Variants in IGSF11 observed in about 807,000 individuals in gnomAD.
IGSF11 encodes CXADR like 1.
IGSF11 carries 22 observed loss-of-function variants against 41.0 expected under a neutral mutation model. The observed-to-expected ratio is 0.54, with a 90% CI of 0.38 to 0.77. The LOEUF is 0.77. IGSF11 is among the 30% of genes least tolerant of loss of function. The pLI, the probability that IGSF11 is intolerant of heterozygous loss-of-function variation, is 0.00. For synonymous variants in IGSF11, 219 were observed against 201.3 expected (o/e 1.09, Z -0.74); for missense variants, 444 against 530.8 (o/e 0.84, Z 1.61).
At chr3:119,067,987 A>G (rs1465759830) in intron 1 of IGSF11, among the ~76,000 whole-genome samples, 1 of 152,360 alleles carries the variant, frequency 6.6e-6, no homozygotes, top group East Asian at 1.9e-4. Context: ...GTAGATGTCA[A>G]TATCCCTAGT....
chr3:118,969,684 C>T (rs1457874272), intron 1 of IGSF11, among the ~76,000 whole-genome samples: 2 of 152,182 alleles, frequency 1.3e-5, no homozygotes, highest in African/African-American at 4.8e-5. Context: ...TTTTAAAACT[C>T]CTATGCTGCT....
chr3:119,040,140 A>G (rs1445009937), intron 1 of IGSF11, among the ~76,000 whole-genome samples: 2 of 152,170 alleles, frequency 1.3e-5, no homozygotes, highest in East Asian at 3.9e-4. Flanking sequence ...ACTGCTCCTA[A>G]GATCAGTGCT....
chr3:119,110,263 T>G (rs2077125832), intron 1 of IGSF11, among the ~76,000 whole-genome samples: 1 of 152,022 alleles, frequency 6.6e-6, no homozygotes, highest in East Asian at 1.9e-4. Context: ...GCTTTATGAA[T>G]CTGGGTGCTC....
intron 1 of IGSF11, among the ~76,000 whole-genome samples, chr3:119,054,375 C>T (rs1212875329): frequency 6.6e-6 from 1 of 152,044 alleles, no homozygotes; most frequent in African/African-American, 2.4e-5. Flanking sequence ...GCACTAAGGA[C>T]ATGAATAGGC....
At chr3:118,963,852 G>A (rs1945498898) in intron 1 of IGSF11, among the ~76,000 whole-genome samples, 1 of 152,038 alleles carries the variant, frequency 6.6e-6, no homozygotes, top group African/African-American at 2.4e-5. Context: ...AATTGACATT[G>A]ACTTTAATTG....
chr3:119,018,718 G>A (rs774221835), intron 1 of IGSF11, among the ~76,000 whole-genome samples: 12 of 152,188 alleles, frequency 7.9e-5, no homozygotes, highest in Non-Finnish European at 1.3e-4. Flanking sequence ...GGCAATACAT[G>A]GCACATGGTG....
In IGSF11 at chr3:118,930,124, G is replaced by A. The variant is rs757613553; in HGVS notation, c.204C>T (p.Asn68=). The A allele has an allele frequency of 4.3e-6, 7 of 1,613,068 alleles. No individual in the cohort carries two copies. The highest frequency in any genetic ancestry group is 5.9e-6 in the Non-Finnish European group (7 of 1,179,518). The change falls in exon 2 of 7, where the codon AAC becomes AAT. Residue 68 remains asparagine, a synonymous_variant. Transcript: ENST00000393775. ...GCAACAGAAATACCTGTTCAGGTTG[G>A]TTGGCATTGGAGAGAGGAGTGACCA... ...IWMVTPLSNA[N]QPEQVILYQG...
At chr3:119,109,573 T>G (rs967838099), upstream of IGSF11, among the ~76,000 whole-genome samples, 1 of 152,232 alleles carries the variant, frequency 6.6e-6, no homozygotes, top group Non-Finnish European at 1.5e-5. Context: ...GAAGGGTTTT[T>G]TGTGTCTCTA....
intron 1 of IGSF11, among the ~76,000 whole-genome samples, chr3:119,041,563 C>A (rs970911650): frequency 2.0e-5 from 3 of 151,808 alleles, no homozygotes; most frequent in Non-Finnish European, 4.4e-5. Context: ...CCAGCCTGGG[C>A]AACAAGCAAG....
At position 118,931,058 on chromosome 3, in the gene IGSF11, G is replaced by A. The variant is rs1034124067; in HGVS notation, c.53-783C>T. 4.6e-5 allele frequency among the ~76,000 whole-genome samples: 7 copies of A among 152,172 alleles called. No homozygotes were observed. In the East Asian group the frequency reaches 1.3e-3, roughly 29 times the overall value. On this transcript the variant is annotated intron_variant, in intron 1 of 6. Coordinates refer to ENST00000393775, the MANE Select transcript of IGSF11 (RefSeq NM_001015887.3). Reference sequence around the variant, plus strand: ...TAAATGTCACAGGGTTGAGAGTACTGAAATAAATCTTTATATTTATGGTCA... The same window carrying A: ...TAAATGTCACAGGGTTGAGAGTACTAAAATAAATCTTTATATTTATGGTCA...
chr3:118,975,333 T>C (rs1933954437), intron 1 of IGSF11, among the ~76,000 whole-genome samples: 1 of 150,586 alleles, frequency 6.6e-6, no homozygotes, highest in Non-Finnish European at 1.5e-5. Flanking sequence ...TTACCATATG[T>C]GACAAATAAA....
rs776002738 is a variant in IGSF11, at chr3:118,926,082, A to T, written c.580+19T>A. 6.9e-7 allele frequency: 1 copy of T among 1,456,978 alleles called. No individual in the cohort carries two copies. Among genetic ancestry groups the T allele is most frequent in the South Asian group, 1.5e-5 (1 of 67,376 alleles). 90.3% of individuals were successfully genotyped at this position (1,456,978 alleles called of 1,614,324 possible). ...GTCCATGATAACTAATAAAATGGGT[A>T]AAGCAGCACTGTACATACCCTGAGT... On this transcript the variant is annotated intron_variant, in intron 4 of 6. Coordinates refer to ENST00000393775, the MANE Select transcript of IGSF11 (RefSeq NM_001015887.3).
chr3:119,065,621 C>A (rs1339722824), intron 1 of IGSF11, among the ~76,000 whole-genome samples: 1 of 151,726 alleles, frequency 6.6e-6, no homozygotes, highest in Non-Finnish European at 1.5e-5. Flanking sequence ...GGTGAAACCC[C>A]GCCTGTACTA....
At chr3:119,102,155 C>T (rs991843537) in intron 1 of IGSF11, among the ~76,000 whole-genome samples, 3 of 152,186 alleles carry the variant, frequency 2.0e-5, no homozygotes, top group Non-Finnish European at 4.4e-5. Context: ...ACTGGTACAT[C>T]ACTGCCACTC....
chr3:118,940,154 C>A (rs1559931270), intron 1 of IGSF11, among the ~76,000 whole-genome samples: 1 of 152,098 alleles, frequency 6.6e-6, no homozygotes, highest in African/African-American at 2.4e-5. Context: ...CTGCTCTTGC[C>A]ACTTCTATTT....
At chr3:119,082,787 A>G (rs2076604563) in intron 1 of IGSF11, among the ~76,000 whole-genome samples, 1 of 152,222 alleles carries the variant, frequency 6.6e-6, no homozygotes, top group African/African-American at 2.4e-5. Flanking sequence ...TGAAATCTTA[A>G]GGGAAGAATC....
At position 118,998,082 on chromosome 3, in the gene IGSF11, T is replaced by G. The variant is rs1268401587; in HGVS notation, c.52+36449A>C. Among the ~76,000 whole-genome samples, 3 of 152,178 alleles carry G rather than the reference T, an allele frequency of 2.0e-5. No homozygotes were observed. In the East Asian group the frequency reaches 5.8e-4, roughly 29 times the overall value. On this transcript the variant is annotated intron_variant, in intron 1 of 6. Transcript: ENST00000393775. ...CTATTTTGATTTTTAAGTCAATATATAAAATAATAATATATTTTCTTTTAA... is the reference window on the plus strand; with the variant it reads ...CTATTTTGATTTTTAAGTCAATATAGAAAATAATAATATATTTTCTTTTAA...
intron 1 of IGSF11, among the ~76,000 whole-genome samples, chr3:119,024,036 A>G (rs888844901): frequency 6.6e-6 from 1 of 152,218 alleles, no homozygotes; most frequent in Non-Finnish European, 1.5e-5. Flanking sequence ...TTACTTGTCC[A>G]GCTCCCTGTA....
intron 1 of IGSF11, among the ~76,000 whole-genome samples, chr3:119,135,372 A>T (rs2077545796): frequency 6.6e-6 from 1 of 152,248 alleles, no homozygotes; most frequent in Middle Eastern, 3.2e-3. Flanking sequence ...ACAAGAAAGA[A>T]ACAAACAACC....
Sources: allele counts gnomAD v4.1 joint callset (sites outside exome capture counted in the v4.1 genomes callset), GRCh38; gene constraint gnomAD v4.1.1; transcripts MANE v1.5; gene names NCBI Gene and HGNC (gene_info 2026-07-23, HGNC 2026-07-21).